KANSL1: variants seen among roughly 807,000 people sequenced by gnomAD.
The protein encoded by KANSL1 is KAT8 regulatory NSL complex subunit 1.
KANSL1 carries 22 observed loss-of-function variants against 103.6 expected under a neutral mutation model. That is an observed-to-expected ratio of 0.21 (90% confidence interval 0.15 to 0.30). The LOEUF (loss-of-function observed/expected upper bound fraction) is 0.30, where lower values mean the gene tolerates loss of function less well. KANSL1 is among the 10% of genes least tolerant of loss of function. The pLI, the probability that KANSL1 is intolerant of heterozygous loss-of-function variation, is 1.00. For synonymous variants in KANSL1, 600 were observed against 527.6 expected (o/e 1.14, Z -1.88); for missense variants, 1,337 against 1,399.8 (o/e 0.96, Z 0.72).
Position 46,215,861 on chromosome 17 carries a change from T to G in KANSL1, c.-90+7810A>C, listed in dbSNP as rs953977908. Among the ~76,000 whole-genome samples the G allele has an allele frequency of 4.7e-5, 7 of 150,094 alleles. No individual in the cohort carries two copies. The South Asian group carries it at 8.3e-4, about 18-fold the overall frequency. On this transcript the variant is annotated intron_variant, in intron 1 of 14. Transcript: ENST00000572904. ...TTCAAGCCCAGCCTGGCCAACATGGTGAAACCCCATCTCTACTAAAAATAC... is the reference window on the plus strand; with the variant it reads ...TTCAAGCCCAGCCTGGCCAACATGGGGAAACCCCATCTCTACTAAAAATAC...
chr17:46,039,810 GTTTGAT>G lies in KANSL1; in HGVS notation c.2089_2094del (p.Ile697_Lys698del), dbSNP rs772840897. 6.2e-7 allele frequency: 1 copy of G among 1,614,188 alleles called. No individual in the cohort carries two copies. Among genetic ancestry groups the G allele is most frequent in the South Asian group, 1.1e-5 (1 of 91,084 alleles). On this transcript the variant is annotated inframe_deletion, in exon 8 of 15. Transcript: ENST00000432791. The stretch of plus-strand genomic sequence containing the variant: ...TGCTTAAGCGATAACTTTTTGGGAG[GTTTGAT>G]TTTGTCAAAAGGCTTGTTCTGCCAC...
intron 3 of KANSL1, among the ~76,000 whole-genome samples, chr17:46,092,277 C>T (rs549369339): frequency 1.3e-5 from 2 of 152,184 alleles, no homozygotes; most frequent in African/African-American, 4.8e-5. Context: ...TTTAGAAATA[C>T]TTTTCAGATA....
chr17:46,168,431 T>C (rs1440374300), intron 2 of KANSL1, among the ~76,000 whole-genome samples: 1 of 152,010 alleles, frequency 6.6e-6, no homozygotes, highest in African/African-American at 2.4e-5. Flanking sequence ...CACCGCAACC[T>C]CCGCCTCTCA....
In KANSL1 at chr17:46,032,231, G is replaced by A. The variant is rs2077030679; in HGVS notation, c.2906C>T (p.Pro969Leu). The change falls in exon 14 of 15, where the codon CCT becomes CTT. Residue 969 changes from proline to leucine, a missense_variant. Pro to Leu is a moderately conservative substitution (Grantham distance 98, BLOSUM62 -3). Transcript: ENST00000432791. ...LGSANPSTPQ[P>L]ASPDVSSSHS... is the part of the protein sequence containing the mutation. ...GCTACTGCTGACATCAGGGGAGGCA[G>A]GCTGGGGGGTGGAGGGGTTGGCACT... is the stretch of plus-strand genomic sequence containing the variant. The A allele has an allele frequency of 2.5e-6, 4 of 1,581,218 alleles. No homozygotes were observed. The highest frequency in any genetic ancestry group is 3.4e-6 in the Non-Finnish European group (4 of 1,160,562).
chr17:46,153,733 T>C (rs914610063), intron 2 of KANSL1, among the ~76,000 whole-genome samples: 1 of 151,868 alleles, frequency 6.6e-6, no homozygotes, highest in African/African-American at 2.4e-5. Flanking sequence ...TTTGAAGAAA[T>C]GAGAAGCACC....
intron 1 of KANSL1, among the ~76,000 whole-genome samples, chr17:46,189,777 C>T (rs141209137): frequency 9.0e-4 from 137 of 152,192 alleles, no homozygotes; most frequent in African/African-American, 3.0e-3. Context: ...CCCAATGGCA[C>T]ATGCCTGTAG....
chr17:46,174,986 C>G (rs1382782731), intron 1 of KANSL1, among the ~76,000 whole-genome samples: 1 of 152,194 alleles, frequency 6.6e-6, no homozygotes, highest in Admixed American at 6.5e-5. Flanking sequence ...TTTTAAATTT[C>G]TCAAAGTTTA....
upstream of KANSL1, among the ~76,000 whole-genome samples, chr17:46,198,438 A>T (rs970477680): frequency 6.6e-6 from 1 of 150,764 alleles, no homozygotes; most frequent in Non-Finnish European, 1.5e-5. Context: ...AAAAAAAAAA[A>T]AAAAAAAAAA....
chr17:46,139,575 T>C (rs1021433326), intron 2 of KANSL1, among the ~76,000 whole-genome samples: 5 of 152,118 alleles, frequency 3.3e-5, no homozygotes, highest in African/African-American at 9.7e-5. Flanking sequence ...GCCTTTGGAG[T>C]GATATGAACC....
intron 3 of KANSL1, among the ~76,000 whole-genome samples, chr17:46,089,929 A>G (rs749163375): frequency 4.7e-4 from 71 of 152,354 alleles, no homozygotes; most frequent in East Asian, 9.6e-4. Context: ...TCATTGGGGG[A>G]AAATTCCATG....
chr17:46,164,202 G>A (rs2045886601), intron 2 of KANSL1, among the ~76,000 whole-genome samples: 2 of 152,224 alleles, frequency 1.3e-5, no homozygotes, highest in African/African-American at 4.8e-5. Context: ...GTTCACTTCA[G>A]AGAACAAAAA....
intron 1 of KANSL1, among the ~76,000 whole-genome samples, chr17:46,188,375 T>C (rs537291611): frequency 1.5e-4 from 23 of 152,382 alleles, no homozygotes; most frequent in Non-Finnish European, 2.9e-4. Context: ...GCACAACTTT[T>C]AGTATGCCCA....
intron 7 of KANSL1, chr17:46,049,506 T>A (rs2077635493): frequency 6.6e-6 from 1 of 152,210 alleles, no homozygotes; most frequent in Non-Finnish European, 1.5e-5. Context: ...AGTGCTGGGA[T>A]TACAAGCGTG....
intron 2 of KANSL1, among the ~76,000 whole-genome samples, chr17:46,130,092 G>A (rs752428004): frequency 2.0e-5 from 3 of 151,286 alleles, no homozygotes; most frequent in Non-Finnish European, 2.9e-5. Context: ...AGGCTGAGAC[G>A]GGAGAATCAC....
chr17:46,103,589 C>T (rs1211505502), intron 2 of KANSL1, among the ~76,000 whole-genome samples: 1 of 152,236 alleles, frequency 6.6e-6, no homozygotes, highest in Non-Finnish European at 1.5e-5. Context: ...TAATACATCA[C>T]AAGCTCGTAA....
Position 46,031,471 on chromosome 17 carries a change from C to G in KANSL1, c.*5G>C. On this transcript the variant is annotated 3_prime_UTR_variant, in exon 15 of 15. Transcript: ENST00000432791. ...AGTGAGTCTGTTTAGATGGCTGTCT[C>G]CCGCTCATCTGTGAGTCGGGCGCTG... 6.3e-7 allele frequency: 1 copy of G among 1,595,436 alleles called. No individual in the cohort carries two copies. Among genetic ancestry groups the G allele is most frequent in the South Asian group, 1.1e-5 (1 of 89,294 alleles).
At chr17:46,034,487 G>C (rs557839539) in intron 10 of KANSL1, 2 of 521,284 alleles carry the variant, frequency 3.8e-6, no homozygotes, top group Non-Finnish European at 6.9e-6. Context: ...AGGTGGTCAT[G>C]AGGAGTTAGT....
At chr17:46,062,086 C>A (rs2078179107) in intron 6 of KANSL1, among the ~76,000 whole-genome samples, 2 of 84,946 alleles carry the variant, frequency 2.4e-5, no homozygotes, top group African/African-American at 4.3e-5. Context: ...ATCAAGACTC[C>A]GACTCAAAAA....
At chr17:46,191,745 C>A (rs1246759811) in intron 1 of KANSL1, among the ~76,000 whole-genome samples, 1 of 152,196 alleles carries the variant, frequency 6.6e-6, no homozygotes, top group African/African-American at 2.4e-5. Context: ...TATAAACACA[C>A]ACCCCAAAAC....
Sources: gnomAD v4.1 joint callset for allele counts (sites outside exome capture counted in the v4.1 genomes callset) on GRCh38, gnomAD v4.1.1 for gene constraint, MANE v1.5 for transcripts, NCBI Gene and HGNC (gene_info 2026-07-23, HGNC 2026-07-21) for gene names.